Variants in SERGEF observed in about 807,000 individuals in gnomAD.
The protein encoded by SERGEF is secretion regulating guanine nucleotide exchange factor.
A neutral mutation model predicts 50.0 loss-of-function variants in SERGEF; 51 were observed. The observed-to-expected ratio is 1.02, with a 90% CI of 0.81 to 1.29. The LOEUF (loss-of-function observed/expected upper bound fraction) is 1.29. Among genes scored for constraint, SERGEF ranks in the 50% most tolerant of loss-of-function variants. The probability of loss-of-function intolerance (pLI) is 0.00; values close to 1 mark genes in which losing one functional copy is unlikely to be tolerated. For synonymous variants in SERGEF, 205 were observed against 212.4 expected, an observed-to-expected ratio of 0.97 and a Z score of 0.30; for missense variants, 521 against 557.0, an observed-to-expected ratio of 0.94 and a Z score of 0.65.
intron 9 of SERGEF, among the ~76,000 whole-genome samples, chr11:17,880,124 T>G (rs1851310492): frequency 6.6e-6 from 1 of 152,158 alleles, no homozygotes; most frequent in South Asian, 2.1e-4. Flanking sequence ...GATCCCAGCT[T>G]CCACAGGGAA....
intron 9 of SERGEF, among the ~76,000 whole-genome samples, chr11:17,893,303 G>A (rs1244733191): frequency 6.6e-6 from 1 of 152,160 alleles, no homozygotes; most frequent in Non-Finnish European, 1.5e-5. Flanking sequence ...GTCTGACCTT[G>A]GGCATGAAGC....
intron 8 of SERGEF, among the ~76,000 whole-genome samples, chr11:17,975,369 C>A (rs909595216): frequency 6.6e-6 from 1 of 152,216 alleles, no homozygotes; most frequent in African/African-American, 2.4e-5. Flanking sequence ...TCCTCACACA[C>A]CTCCATCTCC....
chr11:17,995,602 ACT>A (rs1413703086), intron 6 of SERGEF, among the ~76,000 whole-genome samples, 192 bp downstream of exon 6: 1 of 152,102 alleles, frequency 6.6e-6, no homozygotes, highest in African/African-American at 2.4e-5. Context: ...TCGGTTCCAA[ACT>A]CTGGCAGCAA....
chr11:17,802,919 TC>T (rs1378097674), intron 10 of SERGEF, among the ~76,000 whole-genome samples: 1 of 152,254 alleles, frequency 6.6e-6, no homozygotes, highest in Non-Finnish European at 1.5e-5. Context: ...AATGAAAAGC[TC>T]TATGAGAGCA....
intron 1 of SERGEF, 66 bp downstream of exon 1, chr11:18,012,885 G>A (rs751366192): frequency 4.6e-6 from 7 of 1,527,894 alleles, no homozygotes; most frequent in African/African-American, 2.8e-5. Flanking sequence ...CCCACGCCGC[G>A]GCCAGCAGCT....
In SERGEF at chr11:17,833,766, G is replaced by A. The variant is rs149476438; in HGVS notation, c.1048+44442C>T. ...TGGAGCTTTAAGATTTGACTGCCCCGCTGGATTCTGGACTTGCATGGGGCC... is the reference window on the plus strand; with the variant it reads ...TGGAGCTTTAAGATTTGACTGCCCCACTGGATTCTGGACTTGCATGGGGCC... On this transcript the variant is annotated intron_variant, in intron 10 of 10. Transcript: ENST00000265965. Among the ~76,000 whole-genome samples the A allele has an allele frequency of 5.1e-3, 775 of 152,308 alleles. 5 individuals are homozygous for A. Among genetic ancestry groups the A allele is most frequent in the African/African-American group, 0.017 (701 of 41,564 alleles).
intron 9 of SERGEF, among the ~76,000 whole-genome samples, chr11:17,914,868 C>A (rs1251041796): frequency 2.6e-5 from 4 of 152,158 alleles, no homozygotes; most frequent in African/African-American, 9.7e-5. Context: ...GCCCTGCTCT[C>A]ATGGAGTTTA....
intron 10 of SERGEF, among the ~76,000 whole-genome samples, chr11:17,813,700 C>A (rs565814463): frequency 1.3e-5 from 2 of 152,336 alleles, no homozygotes; most frequent in Admixed American, 6.5e-5. Context: ...CTGAAATATT[C>A]TCACTGTGGC....
intron 10 of SERGEF, among the ~76,000 whole-genome samples, chr11:17,837,945 G>A (rs1190605002): frequency 6.6e-6 from 1 of 152,082 alleles, no homozygotes; most frequent in Non-Finnish European, 1.5e-5. Flanking sequence ...GATTACAGGC[G>A]TGAGCCACCG....
chr11:17,949,481 C>G (rs1332390228), intron 9 of SERGEF, among the ~76,000 whole-genome samples: 1 of 152,012 alleles, frequency 6.6e-6, no homozygotes, highest in African/African-American at 2.4e-5. Context: ...AGAACAAAGT[C>G]CCAAACAGTG....
Position 17,944,716 on chromosome 11 carries a change from C to T in SERGEF, c.1011+14754G>A, listed in dbSNP as rs138033442. Among the ~76,000 whole-genome samples, 5 of 152,292 alleles carry T rather than the reference C, an allele frequency of 3.3e-5. No homozygotes were observed. The South Asian group carries it at 8.3e-4, about 25-fold the overall frequency. On this transcript the variant is annotated intron_variant, in intron 9 of 10. Transcript: ENST00000265965. ...ATTCAATTCTCTTCTGAGCACAGAT[C>T]CCGCATGAAAAACCCGCTTCTCTCT...
chr11:17,973,753 C>A (rs149749225), intron 8 of SERGEF, among the ~76,000 whole-genome samples: 10 of 152,268 alleles, frequency 6.6e-5, no homozygotes, highest in African/African-American at 1.9e-4. Flanking sequence ...CATTCTCCCA[C>A]CCCATATTTG....
At chr11:17,846,500 G>A in intron 10 of SERGEF, 1 of 359,766 alleles carries the variant, frequency 2.8e-6, no homozygotes, top group South Asian at 2.1e-5. Context: ...GATAAGTTCA[G>A]ATGGAGAACA....
chr11:17,895,037 T>C (rs1006856534), intron 9 of SERGEF, among the ~76,000 whole-genome samples: 2 of 152,140 alleles, frequency 1.3e-5, no homozygotes, highest in Admixed American at 6.5e-5. Flanking sequence ...AACAACCAGA[T>C]GACAGGCTGA....
At chr11:17,987,582 C>G (rs948019192) in intron 8 of SERGEF, among the ~76,000 whole-genome samples, 4 of 152,124 alleles carry the variant, frequency 2.6e-5, no homozygotes, top group African/African-American at 9.7e-5. Flanking sequence ...TATTATACAC[C>G]TTTGTTATAC....
At chr11:17,992,669 C>T (rs866326015) in intron 7 of SERGEF, among the ~76,000 whole-genome samples, 6 of 152,102 alleles carry the variant, frequency 3.9e-5, no homozygotes, top group African/African-American at 9.7e-5. Context: ...CAAACTCAGA[C>T]GAAATGGAAG....
At position 17,926,070 on chromosome 11, in the gene SERGEF, T is replaced by C. The variant is rs529501179; in HGVS notation, c.1011+33400A>G. On this transcript the variant is annotated intron_variant, in intron 9 of 10. Transcript: ENST00000265965. ...ATTAGGCATTGTTTCCCTTCAACTGTTAATGTTATTACCAATATTCCACCC... is the reference window on the plus strand; with the variant it reads ...ATTAGGCATTGTTTCCCTTCAACTGCTAATGTTATTACCAATATTCCACCC... Among the ~76,000 whole-genome samples, 11 of 152,344 alleles carry C rather than the reference T, an allele frequency of 7.2e-5. No homozygotes were observed. The South Asian group carries it at 2.3e-3, about 32-fold the overall frequency.
At chr11:17,844,134 C>A (rs1656876478) in intron 10 of SERGEF, among the ~76,000 whole-genome samples, 1 of 152,128 alleles carries the variant, frequency 6.6e-6, no homozygotes, top group Non-Finnish European at 1.5e-5. Context: ...GCAGAAAGGG[C>A]AAGTGACTAG....
At chr11:17,937,183 C>T (rs1462074140) in intron 9 of SERGEF, among the ~76,000 whole-genome samples, 5 of 151,954 alleles carry the variant, frequency 3.3e-5, no homozygotes, top group African/African-American at 1.2e-4. Context: ...AGCAAACATA[C>T]TATCTATAAT....
Sources: allele counts gnomAD v4.1 joint callset (sites outside exome capture counted in the v4.1 genomes callset), GRCh38; gene constraint gnomAD v4.1.1; transcripts MANE v1.5; gene names NCBI Gene and HGNC (gene_info 2026-07-23, HGNC 2026-07-21).